The following NRG3 variants were observed in gnomAD, a reference collection of about 807,000 sequenced individuals.
NRG3 encodes pro-neuregulin-3, membrane-bound isoform.
Under a neutral mutation model 66.9 loss-of-function variants are expected in NRG3, and 31 were observed. The ratio of observed to expected loss-of-function variants is 0.46; its 90% confidence interval spans 0.35 to 0.63. NRG3 has a LOEUF of 0.63. Among genes scored for constraint, NRG3 ranks in the 20% least tolerant of loss-of-function variants. The pLI, the probability that NRG3 is intolerant of heterozygous loss-of-function variation, is 0.00. For synonymous variants in NRG3, 393 were observed against 359.4 expected (o/e 1.09, Z -1.06); for missense variants, 910 against 878.9 (o/e 1.04, Z -0.45).
intron 1 of NRG3, among the ~76,000 whole-genome samples, chr10:82,318,250 G>A (rs2081392476): frequency 6.6e-6 from 1 of 152,106 alleles, no homozygotes; most frequent in Non-Finnish European, 1.5e-5. Flanking sequence ...ATCTTATTTA[G>A]GAACCAAAGG....
chr10:82,498,980 G>A (rs1326088345), intron 2 of NRG3, among the ~76,000 whole-genome samples: 1 of 151,990 alleles, frequency 6.6e-6, no homozygotes, highest in Non-Finnish European at 1.5e-5. Flanking sequence ...CAACAAGAAA[G>A]CATGATGAAA....
chr10:81,895,902 G>A (rs576557457), intron 1 of NRG3, among the ~76,000 whole-genome samples: 3 of 152,296 alleles, frequency 2.0e-5, no homozygotes, highest in South Asian at 2.1e-4. Flanking sequence ...ATTGGAAGCC[G>A]AGGAGTGTTT....
At chr10:82,264,149 C>A (rs938131216) in intron 1 of NRG3, among the ~76,000 whole-genome samples, 2 of 152,070 alleles carry the variant, frequency 1.3e-5, no homozygotes, top group Non-Finnish European at 2.9e-5. Context: ...AAACGTAGAG[C>A]CTTTGTATTA....
Position 82,316,656 on chromosome 10 carries a change from C to T in NRG3, c.824-42083C>T, listed in dbSNP as rs528142256. Among the ~76,000 whole-genome samples, 144 of 152,206 alleles carry T rather than the reference C, an allele frequency of 9.5e-4. 1 individual carries two copies. The highest frequency in any genetic ancestry group is 3.2e-3 in the African/African-American group (132 of 41,534). ...TTTGCTCCATTTTGTCTGACAGAAA[C>T]GGGCTAAGATTTCATTTCATAAAAC... On this transcript the variant is annotated intron_variant, in intron 1 of 8. Transcript: ENST00000372141.
intron 2 of NRG3, among the ~76,000 whole-genome samples, chr10:82,693,298 T>C (rs1247754659): frequency 1.3e-5 from 2 of 152,210 alleles, no homozygotes; most frequent in Non-Finnish European, 2.9e-5. Context: ...TTAACCACAT[T>C]GCTAGACTTG....
At chr10:82,074,603 G>A (rs995475786) in intron 1 of NRG3, among the ~76,000 whole-genome samples, 1 of 152,144 alleles carries the variant, frequency 6.6e-6, no homozygotes, top group Non-Finnish European at 1.5e-5. Context: ...GCCCAGGTGG[G>A]AGGAACTCTT....
At chr10:82,408,743 T>C (rs2087818865) in intron 2 of NRG3, among the ~76,000 whole-genome samples, 1 of 151,462 alleles carries the variant, frequency 6.6e-6, no homozygotes, top group Non-Finnish European at 1.5e-5. Flanking sequence ...AAACTATTTA[T>C]GTAAGGTAGA....
chr10:82,729,580 A>C (rs750288945), intron 2 of NRG3, among the ~76,000 whole-genome samples: 36 of 152,108 alleles, frequency 2.4e-4, no homozygotes, highest in Admixed American at 2.2e-3. Flanking sequence ...TAGGTATTTT[A>C]GTTTTGTTAA....
At chr10:81,963,506 T>C (rs1232856297) in intron 1 of NRG3, among the ~76,000 whole-genome samples, 1 of 152,172 alleles carries the variant, frequency 6.6e-6, no homozygotes, top group Middle Eastern at 3.2e-3. Context: ...TTAAAATAGA[T>C]TGAATTTAAC....
chr10:81,977,577 C>A (rs919029524), intron 1 of NRG3, among the ~76,000 whole-genome samples: 1 of 152,106 alleles, frequency 6.6e-6, no homozygotes, highest in African/African-American at 2.4e-5. Flanking sequence ...GTGTGTTTAT[C>A]TTCTTTTTAC....
intron 1 of NRG3, among the ~76,000 whole-genome samples, chr10:82,293,464 G>C (rs183603509): frequency 6.6e-6 from 1 of 152,228 alleles, no homozygotes; most frequent in East Asian, 1.9e-4. Context: ...TCACACTTTG[G>C]TGATCCTAGA....
chr10:82,444,191 C>A (rs1364476570), intron 2 of NRG3, among the ~76,000 whole-genome samples: 1 of 152,188 alleles, frequency 6.6e-6, no homozygotes, highest in Non-Finnish European at 1.5e-5. Context: ...TAACCTCCGC[C>A]TTTTGGGTTC....
At chr10:82,029,376 G>A (rs1462893798) in intron 1 of NRG3, among the ~76,000 whole-genome samples, 1 of 152,090 alleles carries the variant, frequency 6.6e-6, no homozygotes, top group Non-Finnish European at 1.5e-5. Context: ...ATTAAATCAT[G>A]TATACATATA....
chr10:82,244,137 AT>A (rs967725980), intron 1 of NRG3, among the ~76,000 whole-genome samples: 1 of 152,124 alleles, frequency 6.6e-6, no homozygotes, highest in African/African-American at 2.4e-5. Flanking sequence ...GAAAGACACC[AT>A]TGTGATTTTT....
At chr10:82,323,909 G>C (rs2081720026) in intron 1 of NRG3, among the ~76,000 whole-genome samples, 1 of 152,154 alleles carries the variant, frequency 6.6e-6, no homozygotes, top group Non-Finnish European at 1.5e-5. Flanking sequence ...TGGTTGCCCA[G>C]GCTGGAGTGC....
chr10:82,550,672 G>C (rs2044246441), intron 2 of NRG3, among the ~76,000 whole-genome samples: 1 of 152,068 alleles, frequency 6.6e-6, no homozygotes, highest in Admixed American at 6.6e-5. Flanking sequence ...AATAAACATG[G>C]AATTGTGCAA....
At chr10:82,750,433 CAGAG>C (rs1287891950) in intron 3 of NRG3, among the ~76,000 whole-genome samples, 1 of 152,030 alleles carries the variant, frequency 6.6e-6, no homozygotes, top group Non-Finnish European at 1.5e-5. Flanking sequence ...AGAACACAAA[CAGAG>C]AGAAGCAGAA....
intron 1 of NRG3, among the ~76,000 whole-genome samples, chr10:81,892,495 C>A (rs755341390): frequency 5.3e-5 from 8 of 151,944 alleles, no homozygotes; most frequent in Admixed American, 6.6e-5. Flanking sequence ...GAACAGAGGG[C>A]TAAAAAATGG....
At chr10:81,977,762 T>C (rs1180904054) in intron 1 of NRG3, among the ~76,000 whole-genome samples, 4 of 152,210 alleles carry the variant, frequency 2.6e-5, no homozygotes, top group Non-Finnish European at 5.9e-5. Flanking sequence ...ATTTGAGTCT[T>C]AGTTTTTCCA....
Sources: allele counts gnomAD v4.1 joint callset (sites outside exome capture counted in the v4.1 genomes callset), GRCh38; gene constraint gnomAD v4.1.1; transcripts MANE v1.5; gene names NCBI Gene and HGNC (gene_info 2026-07-23, HGNC 2026-07-21).